TBC1D5: variants seen among roughly 807,000 people sequenced by gnomAD.
TBC1D5 encodes the protein TBC1 domain family member 5.
Under a neutral mutation model 100.3 loss-of-function variants are expected in TBC1D5, and 75 were observed. The observed-to-expected ratio is 0.75, with a 90% CI of 0.62 to 0.91. TBC1D5 has a LOEUF of 0.91. Among genes scored for constraint, TBC1D5 ranks in the 40% least tolerant of loss-of-function variants. TBC1D5 has a pLI of 0.00. For missense variants in TBC1D5, 910 were observed against 942.4 expected (o/e 0.97, Z 0.45); for synonymous variants, 323 against 325.6 (o/e 0.99, Z 0.09).
chr3:17,425,678 C>T (rs1305445891), intron 4 of TBC1D5, among the ~76,000 whole-genome samples: 1 of 152,050 alleles, frequency 6.6e-6, no homozygotes, highest in East Asian at 1.9e-4. Flanking sequence ...TTGAAACTGA[C>T]AATCTAATAT....
chr3:17,511,289 A>C (rs1162640144), intron 2 of TBC1D5, among the ~76,000 whole-genome samples: 1 of 152,036 alleles, frequency 6.6e-6, no homozygotes, highest in East Asian at 1.9e-4. Flanking sequence ...TACTCTTAAA[A>C]ATATACAAGT....
intron 13 of TBC1D5, among the ~76,000 whole-genome samples, chr3:17,355,247 G>C (rs1436264649): frequency 2.0e-5 from 3 of 152,008 alleles, no homozygotes; most frequent in Non-Finnish European, 4.4e-5. Context: ...AGTAGCCCAG[G>C]GTGCTACCCT....
chr3:17,371,359 T>G (rs989865720), intron 13 of TBC1D5, among the ~76,000 whole-genome samples: 7 of 152,318 alleles, frequency 4.6e-5, no homozygotes, highest in African/African-American at 1.7e-4. Flanking sequence ...GAATGCTTGG[T>G]TCAATGATCT....
At position 17,342,748 on chromosome 3, in the gene TBC1D5, T is replaced by C. The variant is rs551922106; in HGVS notation, c.995+29327A>G. Among the ~76,000 whole-genome samples the C allele has an allele frequency of 2.0e-5, 3 of 152,294 alleles. No individual in the cohort carries two copies. In the South Asian group the frequency reaches 6.2e-4, roughly 32 times the overall value. ...TTTTCCAATTTTATTTTTATGCACA[T>C]ATAATATATAAACAAATTTACTTTA... On this transcript the variant is annotated intron_variant, in intron 13 of 21. Transcript: ENST00000253692.
At chr3:17,609,804 GGACA>G (rs1295189231) in intron 2 of TBC1D5, among the ~76,000 whole-genome samples, 2 of 152,050 alleles carry the variant, frequency 1.3e-5, no homozygotes, top group Non-Finnish European at 2.9e-5. Context: ...ACACAGCCTT[GGACA>G]GTCAGTATAT....
At chr3:17,161,602 C>T (rs1247254501) in intron 21 of TBC1D5, among the ~76,000 whole-genome samples, 2 of 152,262 alleles carry the variant, frequency 1.3e-5, no homozygotes, top group African/African-American at 4.8e-5. Context: ...GAATCCCTAC[C>T]AGCGTCATGT....
intron 9 of TBC1D5, among the ~76,000 whole-genome samples, chr3:17,382,120 AATG>A (rs2092969836): frequency 6.6e-6 from 1 of 152,066 alleles, no homozygotes; most frequent in Admixed American, 6.6e-5. Flanking sequence ...TAATTATTAT[AATG>A]ATGATGATAA....
At chr3:17,236,577 C>A (rs1274150213) in intron 17 of TBC1D5, among the ~76,000 whole-genome samples, 1 of 151,948 alleles carries the variant, frequency 6.6e-6, no homozygotes, top group Non-Finnish European at 1.5e-5. Flanking sequence ...CCTCCGCCTC[C>A]TAGGTTCAAA....
At chr3:17,570,108 T>C (rs1310339715) in intron 2 of TBC1D5, among the ~76,000 whole-genome samples, 1 of 151,972 alleles carries the variant, frequency 6.6e-6, no homozygotes, top group South Asian at 2.1e-4. Context: ...ACTTAGCCAG[T>C]ATGAAACATA....
intron 3 of TBC1D5, among the ~76,000 whole-genome samples, chr3:17,468,375 T>C (rs1183271963): frequency 6.6e-6 from 1 of 152,188 alleles, no homozygotes; most frequent in South Asian, 2.1e-4. Flanking sequence ...CTCCCTTAAA[T>C]ATTAGCTCAA....
intron 1 of TBC1D5, among the ~76,000 whole-genome samples, chr3:17,720,843 G>T (rs7431897): frequency 0.52 from 78,263 of 150,638 alleles, 21,973 homozygotes; most frequent in East Asian, 0.98. Flanking sequence ...TTTTCTTTTT[G>T]TTTGTTTGTT....
At chr3:17,518,505 C>T (rs2096019845) in intron 2 of TBC1D5, among the ~76,000 whole-genome samples, 1 of 152,230 alleles carries the variant, frequency 6.6e-6, no homozygotes, top group Non-Finnish European at 1.5e-5. Context: ...AGATTACCTA[C>T]CCACCCCATC....
chr3:17,710,585 A>AATAG, intron 1 of TBC1D5, among the ~76,000 whole-genome samples: 1 of 151,836 alleles, frequency 6.6e-6, no homozygotes. Flanking sequence ...TAAATAAATA[A>AATAG]ATAAATAAAA....
intron 21 of TBC1D5, 120 bp downstream of exon 22, chr3:17,166,647 G>A (rs1459124892): frequency 7.1e-7 from 1 of 1,400,616 alleles, no homozygotes; most frequent in African/African-American, 1.4e-5. Flanking sequence ...CACCTCCGCA[G>A]TTGAACTTCA....
chr3:17,455,488 A>G (rs1464995606), intron 3 of TBC1D5, among the ~76,000 whole-genome samples: 1 of 138,238 alleles, frequency 7.2e-6, no homozygotes, highest in Non-Finnish European at 1.5e-5. Flanking sequence ...ATGTATATAT[A>G]TGTGTATATA....
intron 3 of TBC1D5, among the ~76,000 whole-genome samples, chr3:17,485,885 T>C (rs1046876691): frequency 5.9e-5 from 9 of 152,164 alleles, no homozygotes; most frequent in African/African-American, 9.7e-5. Flanking sequence ...TCAAATGGTA[T>C]TTCTAGTTCT....
intron 1 of TBC1D5, among the ~76,000 whole-genome samples, chr3:17,738,823 ATC>A (rs1416199475): frequency 5.3e-5 from 8 of 152,328 alleles, no homozygotes; most frequent in African/African-American, 1.9e-4. Flanking sequence ...TCTGATGATA[ATC>A]TCTGAGCCTC....
At chr3:17,407,268 T>C (rs2093796440) in intron 4 of TBC1D5, among the ~76,000 whole-genome samples, 2 of 152,082 alleles carry the variant, frequency 1.3e-5, no homozygotes, top group Non-Finnish European at 2.9e-5. Flanking sequence ...TGGGAAACAA[T>C]TGGAAATTAA....
intron 2 of TBC1D5, among the ~76,000 whole-genome samples, chr3:17,591,262 A>AAAG (rs2096769166): frequency 9.7e-5 from 11 of 112,846 alleles, no homozygotes; most frequent in Admixed American, 7.2e-4. Flanking sequence ...AAAAAAAAAA[A>AAAG]AAAACAAAAA....
Sources: allele counts gnomAD v4.1 joint callset (sites outside exome capture counted in the v4.1 genomes callset), GRCh38; gene constraint gnomAD v4.1.1; transcripts MANE v1.5; gene names NCBI Gene and HGNC (gene_info 2026-07-23, HGNC 2026-07-21).